WARS1: variants seen among roughly 807,000 people sequenced by gnomAD.
WARS1 encodes the protein tryptophanyl-tRNA synthetase 1.
In WARS1, 17 loss-of-function variants were observed where a neutral mutation model predicts 47.8. The ratio of observed to expected loss-of-function variants is 0.36; its 90% CI spans 0.24 to 0.53. The LOEUF (loss-of-function observed/expected upper bound fraction) is 0.53. WARS1 is among the 20% of genes least tolerant of loss of function. The pLI is 0.91. For missense variants in WARS1, 434 were observed against 608.0 expected (o/e 0.71, Z 3.01); for synonymous variants, 208 against 228.1 (o/e 0.91, Z 0.79).
chr14:100,367,790 A>AG (rs1896097096), intron 2 of WARS1, among the ~76,000 whole-genome samples: 1 of 152,116 alleles, frequency 6.6e-6, no homozygotes, highest in South Asian at 2.1e-4. Flanking sequence ...CAGCATTTCC[A>AG]GGGGAAATCA....
chr14:100,368,684 G>A (rs1290683456), intron 2 of WARS1, among the ~76,000 whole-genome samples: 3 of 152,236 alleles, frequency 2.0e-5, no homozygotes, highest in African/African-American at 7.2e-5. Context: ...AACCAAGGCT[G>A]GCGTGGTGGC....
intron 7 of WARS1, among the ~76,000 whole-genome samples, chr14:100,344,119 C>T (rs1566841295): frequency 1.3e-5 from 2 of 152,194 alleles, no homozygotes; most frequent in Admixed American, 1.3e-4. Context: ...TCCACGGTCT[C>T]CCTCTGATGC....
At chr14:100,335,705 T>C (rs1226391176) in intron 10 of WARS1, among the ~76,000 whole-genome samples, 1 of 152,120 alleles carries the variant, frequency 6.6e-6, no homozygotes, top group African/African-American at 2.4e-5. Context: ...AATTTTTTCT[T>C]TTTCTGATTG....
chr14:100,335,247 C>A (rs916999458), intron 10 of WARS1, among the ~76,000 whole-genome samples: 2 of 152,198 alleles, frequency 1.3e-5, no homozygotes, highest in Non-Finnish European at 2.9e-5. Flanking sequence ...CTGACGATAG[C>A]CATGACTTGG....
Position 100,354,579 on chromosome 14 carries a change from G to A in WARS1, c.423-13C>T. 6.3e-7 allele frequency: 1 copy of A among 1,597,780 alleles called. No homozygotes were observed. Among genetic ancestry groups the A allele is most frequent in the East Asian group, 2.2e-5 (1 of 44,700 alleles). On this transcript the variant is annotated splice_polypyrimidine_tract_variant and intron_variant, in intron 4 of 10. Transcript: ENST00000392882. ...CTGATTCATATCTCTAAAGGAAAAA[G>A]GAGAAGAGGAAGAGTGTGATTTTCT... is the stretch of plus-strand genomic sequence containing the variant.
intron 1 of WARS1, among the ~76,000 whole-genome samples, chr14:100,372,254 C>T (rs1204026766): frequency 3.3e-5 from 5 of 151,852 alleles, no homozygotes; most frequent in Admixed American, 6.6e-5. Context: ...TCTCTTCACA[C>T]GGACACGAGT....
At chr14:100,345,305 CTT>C (rs1393281268) in intron 7 of WARS1, among the ~76,000 whole-genome samples, 2 of 151,976 alleles carry the variant, frequency 1.3e-5, no homozygotes, top group African/African-American at 2.4e-5. Flanking sequence ...ACATGGGAGA[CTT>C]TTCATTTTGC....
chr14:100,352,666 G>A (rs539048961), intron 6 of WARS1, among the ~76,000 whole-genome samples: 13 of 152,256 alleles, frequency 8.5e-5, no homozygotes, highest in African/African-American at 2.9e-4. Flanking sequence ...TTTGGGGAGT[G>A]GAGTAACATG....
intron 10 of WARS1, 28 bp from the exon 11 acceptor site, chr14:100,335,064 AG>A: frequency 6.2e-7 from 1 of 1,608,506 alleles, no homozygotes; most frequent in African/African-American, 1.3e-5. Context: ...GCCACGTGAG[AG>A]ATGGCTCCAC....
At chr14:100,337,580 G>A (rs1893831498) in intron 9 of WARS1, among the ~76,000 whole-genome samples, 1 of 151,746 alleles carries the variant, frequency 6.6e-6, no homozygotes, top group African/African-American at 2.4e-5. Context: ...GCCAGACATG[G>A]TAGCTTGTGC....
At chr14:100,335,984 A>T (rs2139871034) in intron 10 of WARS1, among the ~76,000 whole-genome samples, 1 of 151,928 alleles carries the variant, frequency 6.6e-6, no homozygotes, top group Non-Finnish European at 1.5e-5. Context: ...TTTAAAAGAA[A>T]TGAGGGTCTT....
intron 3 of WARS1, 48 bp from the exon 4 acceptor site, chr14:100,360,710 G>A (rs767843429): frequency 7.2e-7 from 1 of 1,384,752 alleles, no homozygotes; most frequent in Admixed American, 1.8e-5. Context: ...GAGGTTTAGT[G>A]ATCAGATATT....
intron 5 of WARS1, chr14:100,354,140 T>C (rs1455170564): frequency 3.9e-6 from 2 of 509,648 alleles, no homozygotes; most frequent in Non-Finnish European, 6.9e-6. Flanking sequence ...GGTATCTTCA[T>C]TCTCATCTTG....
Position 100,344,679 on chromosome 14 carries a change from A to G in WARS1, c.827-1292T>C, listed in dbSNP as rs1346885340. Among the ~76,000 whole-genome samples, 201 of 149,524 alleles carry G rather than the reference A, an allele frequency of 1.3e-3. 2 individuals are homozygous for G. The highest frequency in any genetic ancestry group is 4.8e-3 in the African/African-American group (193 of 40,108). On this transcript the variant is annotated intron_variant, in intron 7 of 10. Transcript: ENST00000392882. ...CCGCCATCCCATCTAGGAAGTGAGG[A>G]GTGTCTCTGCCCGGCCGCCCATCGT...
intron 3 of WARS1, among the ~76,000 whole-genome samples, chr14:100,361,008 T>C (rs904096217): frequency 5.3e-5 from 8 of 151,980 alleles, no homozygotes; most frequent in Non-Finnish European, 1.2e-4. Flanking sequence ...TATATATATA[T>C]ATATTTGTTT....
intron 6 of WARS1, among the ~76,000 whole-genome samples, chr14:100,353,391 T>TA (rs559863270): frequency 2.3e-3 from 356 of 151,864 alleles, no homozygotes; most frequent in Non-Finnish European, 4.1e-3. Flanking sequence ...GCTGGGCTTA[T>TA]AGGTGCGTGC....
Position 100,373,824 on chromosome 14 carries a change from T to TTGTGTGTG in WARS1, c.-74+1451_-74+1458dup, listed in dbSNP as rs59475595. On this transcript the variant is annotated intron_variant, in intron 1 of 10. Transcript: ENST00000392882. The surrounding 1 kb of genome is among the most constrained non-coding windows in gnomAD (Gnocchi z 4.4). ...GGGAATCATCCACACTATTGAAATC[T>TTGTGTGTG]TGTGTGTGTGTGTGTGTGTGTGTGT... Among the ~76,000 whole-genome samples the TTGTGTGTG allele has an allele frequency of 6.8e-5, 10 of 148,042 alleles. No individual in the cohort carries two copies. The highest frequency in any genetic ancestry group is 2.2e-4 in the African/African-American group (9 of 40,088).
intron 5 of WARS1, 149 bp downstream of exon 5, chr14:100,354,298 G>A: frequency 8.4e-7 from 1 of 1,194,266 alleles, no homozygotes; most frequent in Non-Finnish European, 1.1e-6. Flanking sequence ...CAGGAACAAA[G>A]TGAATGGAAG....
Position 100,343,305 on chromosome 14 carries a change from G to A in WARS1, c.909C>T (p.Ile303=). 6.2e-7 allele frequency: 1 copy of A among 1,613,222 alleles called. No individual in the cohort carries two copies. The highest frequency in any genetic ancestry group is 1.1e-5 in the South Asian group (1 of 91,032). ...CAATGGCACATGGGATAAGGCACTG[G>A]ATATCCGTCCTGTCTCGGAAGATCT... ...FPQIFRDRTD[I]QCLIPCAIDQ... is the part of the protein sequence containing the mutation. Residue 303 remains isoleucine, a synonymous_variant, in exon 8 of 11, where the codon ATC becomes ATT. Transcript: ENST00000392882.
Sources: allele counts gnomAD v4.1 joint callset (sites outside exome capture counted in the v4.1 genomes callset), GRCh38; gene constraint gnomAD v4.1.1; non-coding constraint Gnocchi (gnomAD v3.1); transcripts MANE v1.5; gene names NCBI Gene and HGNC (gene_info 2026-07-23, HGNC 2026-07-21).